Variants in MYBPC2 observed in about 807,000 individuals in gnomAD.
The protein encoded by MYBPC2 is myosin-binding protein C, fast-type.
MYBPC2 carries 122 observed loss-of-function variants against 137.0 expected under a neutral mutation model. The ratio of observed to expected loss-of-function variants is 0.89; its 90% confidence interval spans 0.77 to 1.03. The LOEUF (loss-of-function observed/expected upper bound fraction) is 1.03. Among genes scored for constraint, MYBPC2 ranks in the 50% least tolerant of loss-of-function variants. The probability of loss-of-function intolerance (pLI) is 0.00; values close to 1 mark genes in which losing one functional copy is unlikely to be tolerated. For synonymous variants in MYBPC2, 626 were observed against 612.3 expected, an observed-to-expected ratio of 1.02 and a Z score of -0.33; for missense variants, 1,500 against 1,534.4, an observed-to-expected ratio of 0.98 and a Z score of 0.37.
intron 13 of MYBPC2, among the ~76,000 whole-genome samples, chr19:50,448,928 C>T (rs2039832297): frequency 6.6e-6 from 1 of 152,020 alleles, no homozygotes; most frequent in African/African-American, 2.4e-5. Context: ...CAGAGTTTCA[C>T]CATGTTGGCC....
Position 50,445,772 on chromosome 19 carries a change from G to C in MYBPC2, c.1134-108G>C, listed in dbSNP as rs528418716. 9.4e-5 allele frequency: 107 copies of C among 1,137,898 alleles called. 1 individual carries two copies. The South Asian group carries it at 1.6e-3, about 17-fold the overall frequency. 70.5% of individuals were successfully genotyped at this position (1,137,898 alleles called of 1,614,324 possible). A position where few individuals can be genotyped will look rare whatever the true frequency, so the allele number is the denominator to read the frequency against. ...CCACTCATTATGTCTCCTCCCTCCG[G>C]GGACCTGCCTTCTGATCCCTCTGCA... On this transcript the variant is annotated intron_variant, in intron 11 of 27. Transcript: ENST00000357701.
At chr19:50,455,322 C>T (rs2039899614) in intron 19 of MYBPC2, 26 bp downstream of exon 19, 4 of 1,606,276 alleles carry the variant, frequency 2.5e-6, no homozygotes, top group Non-Finnish European at 3.4e-6. Context: ...ACTTTTATGC[C>T]TATTGGTAAT....
In MYBPC2 at chr19:50,446,161, C is replaced by T. The variant is rs1285923983; in HGVS notation, c.1306+109C>T. 5.4e-6 allele frequency: 7 copies of T among 1,293,234 alleles called. No homozygotes were observed. The East Asian group carries it at 1.3e-4, about 24-fold the overall frequency. 80.1% of individuals were successfully genotyped at this position (1,293,234 alleles called of 1,614,324 possible). On this transcript the variant is annotated intron_variant, in intron 12 of 27. Coordinates refer to ENST00000357701, the MANE Select transcript of MYBPC2 (RefSeq NM_004533.4). ...AAGTTGTTCCTGACTCCTCTCTTTC[C>T]CACACACCCTATGTTCAGCCCACCA... is the stretch of plus-strand genomic sequence containing the variant.
At chr19:50,439,523 T>A (rs1184147734) in intron 7 of MYBPC2, among the ~76,000 whole-genome samples, 2 of 150,858 alleles carry the variant, frequency 1.3e-5, no homozygotes, top group Non-Finnish European at 3.0e-5. Flanking sequence ...AGGCCTCCCG[T>A]CTACTAGGTC....
rs544718815 is a variant in MYBPC2, at chr19:50,433,011, C to T, written c.19+39C>T. The T allele has an allele frequency of 2.5e-4, 390 of 1,558,088 alleles. 5 individuals carry two copies. In the South Asian group the frequency reaches 4.3e-3, roughly 17 times the overall value. ...CCCCTCCCTGTGTGGGGATGGGGCT[C>T]TTCTTTTCTGGATGGGGATTTGGGA... On this transcript the variant is annotated intron_variant, in intron 1 of 27. Coordinates refer to ENST00000357701, the MANE Select transcript of MYBPC2 (RefSeq NM_004533.4).
rs544285168 is a variant in MYBPC2 at position 50,450,916 on chromosome 19, G to C, written c.1560G>C (p.Ser520=). Residue 520 remains serine (S), a synonymous_variant, in exon 14 of 28, where the codon TCG becomes TCC. Coordinates refer to ENST00000357701, the MANE Select transcript of MYBPC2 (RefSeq NM_004533.4). ...CTGACGGCTACGCCCTGTCGCTCTC[G>C]GCCAAGCTCAACTTCCTGGGTGAGG... ...FVPDGYALSL[S]AKLNFLEIKV... is the part of the protein sequence containing the mutation. The C allele has an allele frequency of 8.3e-6, 13 of 1,569,950 alleles. No individual in the cohort carries two copies. Among genetic ancestry groups the C allele is most frequent in the Non-Finnish European group, 1.1e-5 (13 of 1,157,896 alleles).
At chr19:50,458,885 C>A (rs1414292406) in intron 21 of MYBPC2, 33 bp from the exon 22 acceptor site, 10 of 1,599,230 alleles carry the variant, frequency 6.3e-6, no homozygotes, top group South Asian at 4.5e-5. Context: ...CCCGGCCCCC[C>A]GCTGAGCCCC....
At chr19:50,452,524 C>G (rs568706342) in intron 16 of MYBPC2, among the ~76,000 whole-genome samples, 2 of 151,552 alleles carry the variant, frequency 1.3e-5, no homozygotes, top group Admixed American at 1.3e-4. Flanking sequence ...ATCTATCTAT[C>G]TATCTATCTA....
intron 12 of MYBPC2, among the ~76,000 whole-genome samples, chr19:50,447,988 T>C (rs2039820996): frequency 1.3e-5 from 2 of 152,196 alleles, no homozygotes; most frequent in Non-Finnish European, 1.5e-5. Context: ...AGGCTTTTTT[T>C]CATCTTCTGG....
chr19:50,440,283 G>A (rs995462617), intron 7 of MYBPC2, among the ~76,000 whole-genome samples: 15 of 151,276 alleles, frequency 9.9e-5, no homozygotes, highest in Non-Finnish European at 1.8e-4. Flanking sequence ...GCTTACTCAT[G>A]TAACCAAACA....
chr19:50,458,609 C>A lies in MYBPC2; in HGVS notation c.2361C>A (p.Asn787Lys). ...CAGCCGAGGAATGGGTCCCTGCCAA[C>A]ACCGAGCCCGTGGAGCGCTGTGGCT... ...LEGSEEWVPA[N>K]TEPVERCGFT... Residue 787 changes from asparagine (N) to lysine (K), a missense_variant, in exon 21 of 28, where the codon AAC becomes AAA. Physicochemically the swap from Asn to Lys is moderately conservative, Grantham distance 94 (BLOSUM62 0). Coordinates refer to ENST00000357701, the MANE Select transcript of MYBPC2 (RefSeq NM_004533.4). 1.9e-6 allele frequency: 3 copies of A among 1,612,626 alleles called. No individual in the cohort carries two copies. The Middle Eastern group carries it at 5.0e-4, about 266-fold the overall frequency.
At chr19:50,438,866 AAAC>A (rs886407948) in intron 7 of MYBPC2, among the ~76,000 whole-genome samples, 89 of 152,204 alleles carry the variant, frequency 5.8e-4, no homozygotes, top group African/African-American at 2.0e-3. Flanking sequence ...ACTGTTTCAA[AAAC>A]AACAACCACA....
chr19:50,454,382 G>T lies in MYBPC2; in HGVS notation c.2014+13G>T, dbSNP rs2039889164. 1.3e-6 allele frequency: 2 copies of T among 1,566,806 alleles called. No homozygotes were observed. The highest frequency in any genetic ancestry group is 1.7e-6 in the Non-Finnish European group (2 of 1,147,158). ...AAGCCAGTCACCGGTGAGTGCCTCT[G>T]TCCTCATGACCTCTGACCTTCCCTC... On this transcript the variant is annotated intron_variant, in intron 18 of 27. Coordinates refer to ENST00000357701, the MANE Select transcript of MYBPC2 (RefSeq NM_004533.4).
At chr19:50,439,477 C>T (rs1452648166) in intron 7 of MYBPC2, among the ~76,000 whole-genome samples, 1 of 152,084 alleles carries the variant, frequency 6.6e-6, no homozygotes, top group Non-Finnish European at 1.5e-5. Context: ...TCCATCCATG[C>T]ATTCACTCAC....
At position 50,440,323 on chromosome 19, in the gene MYBPC2, A is replaced by AAAATAAATAAATAAAT. The variant is rs58778063; in HGVS notation, c.573-532_573-517dup. Among the ~76,000 whole-genome samples, 575 of 139,096 alleles carry AAAATAAATAAATAAAT rather than the reference A, an allele frequency of 4.1e-3. 3 individuals are homozygous for AAAATAAATAAATAAAT. The highest frequency in any genetic ancestry group is 0.017 in the Middle Eastern group (5 of 288). 91.3% of individuals were successfully genotyped at this position (139,096 alleles called of 152,430 possible). On this transcript the variant is annotated intron_variant, in intron 7 of 27. Transcript: ENST00000357701. ...CTGTTTCCCAATAACCTGTGGAAAT[A>AAAATAAATAAATAAAT]AAATAAATAAATAAATAAATAAATA...
intron 20 of MYBPC2, among the ~76,000 whole-genome samples, 181 bp from the exon 21 acceptor site, chr19:50,458,406 T>C (rs1349578910): frequency 6.6e-6 from 1 of 150,552 alleles, no homozygotes; most frequent in Non-Finnish European, 1.5e-5. Flanking sequence ...GCGAACAGAA[T>C]GGCCACCCTT....
chr19:50,436,846 G>C (rs951562143), intron 5 of MYBPC2, 112 bp downstream of exon 5: 2 of 936,792 alleles, frequency 2.1e-6, no homozygotes, highest in Non-Finnish European at 3.3e-6. Flanking sequence ...GTGGGCACAG[G>C]TTTTTGGAGG....
intron 26 of MYBPC2, among the ~76,000 whole-genome samples, chr19:50,463,773 T>C (rs1840271268): frequency 6.6e-6 from 1 of 152,032 alleles, no homozygotes; most frequent in Admixed American, 6.6e-5. Flanking sequence ...ACCCCATCTC[T>C]ACTAAAAATA....
rs1050412538 is a variant in MYBPC2 at position 50,435,930 on chromosome 19, G to C, written c.196+68G>C. The C allele has an allele frequency of 7.1e-6, 11 of 1,547,962 alleles. No homozygotes were observed. In the African/African-American group the frequency reaches 1.5e-4, roughly 21 times the overall value. On this transcript the variant is annotated intron_variant, in intron 3 of 27. Transcript: ENST00000357701. The surrounding 1 kb of genome is among the most constrained non-coding windows in gnomAD (Gnocchi z 4.8). ...TGGGTCTGAGGGAGGAGGGGCCAGG[G>C]TCTCGTTCTGTCTCCCTCTGGAGAG...
Sources: gnomAD v4.1 joint callset for allele counts (sites outside exome capture counted in the v4.1 genomes callset) on GRCh38, gnomAD v4.1.1 for gene constraint, Gnocchi (gnomAD v3.1) non-coding constraint, MANE v1.5 for transcripts, NCBI Gene and HGNC (gene_info 2026-07-23, HGNC 2026-07-21) for gene names.